Variants in ACTR8 observed in about 807,000 individuals in gnomAD.
ACTR8 encodes the protein actin-related protein 8.
Under a neutral mutation model 84.3 loss-of-function variants are expected in ACTR8, and 70 were observed. The observed-to-expected ratio is 0.83, with a 90% CI of 0.68 to 1.01. ACTR8 has a LOEUF of 1.01. Ranked by LOEUF, ACTR8 falls within the 50% of genes least tolerant of loss-of-function variation. ACTR8 has a pLI of 0.00. For synonymous variants in ACTR8, 268 were observed against 275.2 expected, an observed-to-expected ratio of 0.97 and a Z score of 0.26; for missense variants, 672 against 775.4, an observed-to-expected ratio of 0.87 and a Z score of 1.58.
rs1448739415 is a variant in ACTR8 at position 53,879,985 on chromosome 3, C to T, written c.248G>A (p.Gly83Glu). 1.2e-6 allele frequency: 2 copies of T among 1,614,120 alleles called. No homozygotes were observed. The highest frequency in any genetic ancestry group is 1.7e-6 in the Non-Finnish European group (2 of 1,180,002). ...HVIARRHKQQGQPLYKDSWLL... is the reference protein window; with the variant it reads ...HVIARRHKQQEQPLYKDSWLL... The stretch of plus-strand genomic sequence containing the variant: ...CCAACTGTCCTTGTATAGGGGCTGC[C>T]CTTGTTGTTTGTGTCTTCGGGCAAT... The change falls in exon 2 of 13, where the codon GGG becomes GAG. Residue 83 changes from glycine to glutamate, a missense_variant. Transcript: ENST00000335754.
Position 53,881,932 on chromosome 3 carries a change from GAGGACCCAAGCA to G in ACTR8, c.123+35_123+46del, listed in dbSNP as rs747272888. On this transcript the variant is annotated intron_variant, in intron 1 of 12. Coordinates refer to ENST00000335754, the MANE Select transcript of ACTR8 (RefSeq NM_022899.5). ...GCCTCCCGCCCCTTGCCTGGCAGCG[GAGGACCCAAGCA>G]AGGGCAAAGAGTTCCAACCCAGCCA... 4 of 1,552,324 alleles carry G rather than the reference GAGGACCCAAGCA, an allele frequency of 2.6e-6. No individual in the cohort carries two copies. In the East Asian group the frequency reaches 9.7e-5, roughly 38 times the overall value.
downstream of ACTR8, chr3:53,865,473 T>C: frequency 1.8e-6 from 1 of 555,536 alleles, no homozygotes; most frequent in Non-Finnish European, 3.1e-6. Flanking sequence ...AATGTAGCAT[T>C]AACTAACGAT....
At chr3:53,866,208 C>T (rs1022842267), downstream of ACTR8, among the ~76,000 whole-genome samples, 1 of 152,154 alleles carries the variant, frequency 6.6e-6, no homozygotes, top group Admixed American at 6.5e-5. Flanking sequence ...AAAGCGAGAC[C>T]TCCATCTCTA....
Position 53,880,074 on chromosome 3 carries a change from TG to T in ACTR8, c.158del (p.Pro53GlnfsTer6). The T allele has an allele frequency of 6.2e-7, 1 of 1,614,092 alleles. No homozygotes were observed. The highest frequency in any genetic ancestry group is 8.5e-7 in the Non-Finnish European group (1 of 1,179,940). ...GACCAATCCTTAAAGTTGTTGAACC[TG>T]GATGTATGACAATGATGAAGTTGCT... is the stretch of plus-strand genomic sequence containing the variant. ...IQSNFIIVIH[P>X]GSTTLRIGRA... On this transcript the variant is annotated frameshift_variant, in exon 2 of 13. Transcript: ENST00000335754. LOFTEE classifies it high-confidence loss of function.
At chr3:53,873,681 T>TA (rs1443709060) in intron 8 of ACTR8, among the ~76,000 whole-genome samples, 5 of 152,166 alleles carry the variant, frequency 3.3e-5, no homozygotes, top group East Asian at 1.9e-4. Context: ...ACTTGTTCCC[T>TA]AAAAAAATCA....
Position 53,870,308 on chromosome 3 carries a change from G to A in ACTR8, c.1568-163C>T. On this transcript the variant is annotated intron_variant, in intron 11 of 12. Transcript: ENST00000335754. This position sits in a 1 kb window ranked among gnomAD's most constrained non-coding sequence, Gnocchi z 4.1. ...CAGGGGAACCCTACGAAACACAAATGTAGGCATGTTGCCACGCCACCGCAA... is the reference window on the plus strand; with the variant it reads ...CAGGGGAACCCTACGAAACACAAATATAGGCATGTTGCCACGCCACCGCAA... 1 of 765,614 alleles carries A rather than the reference G, an allele frequency of 1.3e-6. No individual in the cohort carries two copies. Among genetic ancestry groups the A allele is most frequent in the South Asian group, 1.8e-5 (1 of 55,228 alleles). 47.4% of individuals were successfully genotyped at this position (765,614 alleles called of 1,614,324 possible).
chr3:53,868,508 T>C lies in ACTR8; in HGVS notation c.*211A>G. 1.6e-6 allele frequency: 1 copy of C among 624,502 alleles called. No individual in the cohort carries two copies. The highest frequency in any genetic ancestry group is 2.6e-6 in the Non-Finnish European group (1 of 379,988). The allele number at this position is 624,502 out of a possible 1,614,324, so 38.7% of individuals were successfully genotyped here. A position where few individuals can be genotyped will look rare whatever the true frequency, so the allele number is the denominator to read the frequency against. On this transcript the variant is annotated 3_prime_UTR_variant, in exon 13 of 13. Transcript: ENST00000335754. ...GAGAGTTTACAACTGAAGAGAAAGT[T>C]CCTATTTATTCTCAAATGCCCTGAC...
downstream of ACTR8, chr3:53,865,081 A>G: frequency 6.2e-7 from 1 of 1,614,124 alleles, no homozygotes; most frequent in South Asian, 1.1e-5. Context: ...CCTTGCCTTT[A>G]ACCTTTTCTG....
At chr3:53,859,931 A>C in the ACTR8 span, 1 of 460,770 alleles carries the variant, frequency 2.2e-6, no homozygotes. Flanking sequence ...CATTGCTTGA[A>C]CCCGGGAGAC....
At chr3:53,863,002 A>T (rs1027369094), downstream of ACTR8, among the ~76,000 whole-genome samples, 3 of 152,122 alleles carry the variant, frequency 2.0e-5, no homozygotes, top group Non-Finnish European at 2.9e-5. Flanking sequence ...TCGTCAGCCT[A>T]CTCAACAAGA....
chr3:53,865,371 G>A (rs754664754), downstream of ACTR8: 11 of 1,310,680 alleles, frequency 8.4e-6, no homozygotes, highest in South Asian at 1.4e-5. Context: ...GGGAAAAAAC[G>A]TGTGATGATC....
downstream of ACTR8, among the ~76,000 whole-genome samples, chr3:53,862,992 TC>T (rs1256659923): frequency 6.6e-6 from 1 of 152,168 alleles, no homozygotes; most frequent in Admixed American, 6.5e-5. Context: ...CTCCTCTTCC[TC>T]GTCAGCCTAC....
chr3:53,878,488 G>A (rs377088379), intron 2 of ACTR8, 21 bp from the exon 3 acceptor site: 17 of 1,432,968 alleles, frequency 1.2e-5, no homozygotes, highest in Admixed American at 8.6e-5. Flanking sequence ...AATGAAAGAT[G>A]AGCAGTACAA....
Position 53,877,264 on chromosome 3 carries a change from A to G in ACTR8, c.634T>C (p.Trp212Arg), listed in dbSNP as rs1699989527. 2 of 1,613,760 alleles carry G rather than the reference A, an allele frequency of 1.2e-6. No individual in the cohort carries two copies. Among genetic ancestry groups the G allele is most frequent in the African/African-American group, 1.3e-5 (1 of 74,920 alleles). ...AAGTATTTTTGTATCGCATGAGACC[A>G]TATTACTTCAATATCTGCCAGAACA... is the stretch of plus-strand genomic sequence containing the variant. ...TAVLADIEVI[W>R]SHAIQKYLEI... The change falls in exon 5 of 13, where the codon TGG (tryptophan) becomes CGG (arginine). Residue 212 changes from tryptophan to arginine, a missense_variant. Coordinates refer to ENST00000335754, the MANE Select transcript of ACTR8 (RefSeq NM_022899.5).
chr3:53,863,794 T>TGAGGTTA (rs200222203), downstream of ACTR8, among the ~76,000 whole-genome samples: 691 of 151,296 alleles, frequency 4.6e-3, 14 homozygotes, highest in Admixed American at 0.038. Context: ...CTAAAAGTAC[T>TGAGGTTA]GAGGTTACAA....
chr3:53,864,736 C>T (rs1207393769), downstream of ACTR8: 1 of 1,584,038 alleles, frequency 6.3e-7, no homozygotes, highest in Non-Finnish European at 8.6e-7. Flanking sequence ...ATGCTTTTCT[C>T]CTCTCACAGA....
At position 53,878,371 on chromosome 3, in the gene ACTR8, C is replaced by T; in HGVS notation, c.391G>A (p.Val131Met). 6.2e-7 allele frequency: 1 copy of T among 1,611,102 alleles called. No individual in the cohort carries two copies. The highest frequency in any genetic ancestry group is 1.7e-5 in the Admixed American group (1 of 59,792). The change falls in exon 3 of 13, where the codon GTG becomes ATG. Residue 131 changes from valine (V) to methionine (M), a missense_variant. Coordinates refer to ENST00000335754, the MANE Select transcript of ACTR8 (RefSeq NM_022899.5). Reference sequence around the variant, plus strand: ...GTTAATCGAACCTGTTCAGGGGACACAGGAATGCGTCTTGTACCATTGGAC... The same window carrying T: ...GTTAATCGAACCTGTTCAGGGGACATAGGAATGCGTCTTGTACCATTGGAC... ...KMSNGTRRIPVSPEQARSYNK... is the reference protein window; with the variant it reads ...KMSNGTRRIPMSPEQARSYNK...
intron 7 of ACTR8, 23 bp downstream of exon 7, chr3:53,875,925 A>T: frequency 6.2e-7 from 1 of 1,613,872 alleles, no homozygotes; most frequent in Non-Finnish European, 8.5e-7. Flanking sequence ...GAAACAGGGA[A>T]TGCCACCTTC....
intron 2 of ACTR8, among the ~76,000 whole-genome samples, chr3:53,878,737 T>C (rs1700013454): frequency 6.6e-6 from 1 of 152,154 alleles, no homozygotes; most frequent in African/African-American, 2.4e-5. Context: ...GGTGGAAAGA[T>C]TGCTTGAGCC....
Sources: allele counts gnomAD v4.1 joint callset (sites outside exome capture counted in the v4.1 genomes callset), GRCh38; gene constraint gnomAD v4.1.1; non-coding constraint Gnocchi (gnomAD v3.1); transcripts MANE v1.5; gene names NCBI Gene and HGNC (gene_info 2026-07-23, HGNC 2026-07-21).